The following PARG variants were observed in gnomAD, a reference collection of about 807,000 sequenced individuals.
PARG encodes the protein poly(ADP-ribose) glycohydrolase, also known as mitochondrial poly(ADP-ribose) glycohydrolase.
In PARG, 35 loss-of-function variants were observed where a neutral mutation model predicts 113.0. That is an observed-to-expected ratio of 0.31 (90% CI 0.24 to 0.41). PARG has a LOEUF of 0.41. Ranked by LOEUF, PARG falls within the 10% of genes least tolerant of loss-of-function variation. The pLI is 1.00. For synonymous variants in PARG, 330 were observed against 409.9 expected (o/e 0.81, Z 2.36); for missense variants, 797 against 1,169.4 (o/e 0.68, Z 4.64).
chr10:49,916,355 T>C (rs1554847620), intron 6 of PARG, among the ~76,000 whole-genome samples: 2 of 152,178 alleles, frequency 1.3e-5, no homozygotes, highest in African/African-American at 4.8e-5. Context: ...CGTCAGATTA[T>C]ATATACACAG....
rs543736217 is a variant in PARG at position 49,908,916 on chromosome 10, T to G, written c.1737+7001A>C. Among the ~76,000 whole-genome samples, 13 of 152,276 alleles carry G rather than the reference T, an allele frequency of 8.5e-5. No homozygotes were observed. In the South Asian group the frequency reaches 2.7e-3, roughly 32 times the overall value. On this transcript the variant is annotated intron_variant, in intron 7 of 17. Transcript: ENST00000616448. Reference sequence around the variant, plus strand: ...CGCCTTAGGTCAGCTTTTCCCAAACTATTCTAAAAAGCACTAACCCTCCAT... The same window carrying G: ...CGCCTTAGGTCAGCTTTTCCCAAACGATTCTAAAAAGCACTAACCCTCCAT...
intron 13 of PARG, among the ~76,000 whole-genome samples, chr10:49,851,083 C>T (rs1845739026): frequency 6.6e-6 from 1 of 152,138 alleles, no homozygotes; most frequent in African/African-American, 2.4e-5. Context: ...AAGGAAAAAA[C>T]TAGAAGGAAT....
At chr10:49,914,264 G>C (rs1264112165) in intron 7 of PARG, among the ~76,000 whole-genome samples, 1 of 152,196 alleles carries the variant, frequency 6.6e-6, no homozygotes, top group African/African-American at 2.4e-5. Flanking sequence ...AGCTCAGAAA[G>C]TTACAATACA....
At chr10:49,841,644 G>A (rs1432972991) in intron 15 of PARG, among the ~76,000 whole-genome samples, 1 of 152,130 alleles carries the variant, frequency 6.6e-6, no homozygotes, top group Non-Finnish European at 1.5e-5. Flanking sequence ...AATTTTCAGA[G>A]CTCATTTGTT....
chr10:49,832,980 G>T, intron 15 of PARG, 72 bp from the exon 16 acceptor site: 2 of 701,150 alleles, frequency 2.9e-6, no homozygotes, highest in Non-Finnish European at 4.7e-6. Context: ...GATGTACTAG[G>T]ATCAGTGTCC....
chr10:49,856,784 C>T (rs1231425680), intron 13 of PARG, among the ~76,000 whole-genome samples: 6 of 151,880 alleles, frequency 4.0e-5, no homozygotes, highest in Admixed American at 1.3e-4. Context: ...CCGAGGCGGG[C>T]GGATCACCTG....
intron 8 of PARG, among the ~76,000 whole-genome samples, chr10:49,883,559 GAGGCAA>G (rs1216709550): frequency 6.8e-6 from 1 of 148,084 alleles, no homozygotes; most frequent in Non-Finnish European, 1.5e-5. Context: ...AGCACCATGG[GAGGCAA>G]AGGCGGGCGG....
At chr10:49,908,115 C>T (rs117272564) in intron 7 of PARG, among the ~76,000 whole-genome samples, 2,781 of 152,272 alleles carry the variant, frequency 0.018, 30 homozygotes, top group Non-Finnish European at 0.028. Context: ...AATAACAACT[C>T]TAACTTCATC....
chr10:49,879,653 G>C lies in PARG; in HGVS notation c.1988+20C>G. 1.4e-5 allele frequency: 19 copies of C among 1,324,170 alleles called. No individual in the cohort carries two copies. The highest frequency in any genetic ancestry group is 2.0e-5 in the Non-Finnish European group (19 of 958,830). The allele number at this position is 1,324,170 out of a possible 1,614,324, so 82.0% of individuals were successfully genotyped here. A position where few individuals can be genotyped will look rare whatever the true frequency, so the allele number is the denominator to read the frequency against. On this transcript the variant is annotated intron_variant, in intron 9 of 17. Coordinates refer to ENST00000616448, the MANE Select transcript of PARG (RefSeq NM_003631.5). ...CCTTTGTCTTTTTCATTGTTAAAGA[G>C]GTGTTTTCTGAAAACATACCGATTG...
intron 11 of PARG, among the ~76,000 whole-genome samples, chr10:49,864,875 C>T (rs1274621267): frequency 2.9e-5 from 4 of 137,570 alleles, no homozygotes; most frequent in African/African-American, 8.3e-5. Context: ...TCTTGCCACT[C>T]GACGAACTCT....
At chr10:49,924,522 A>C (rs1353116427) in intron 4 of PARG, among the ~76,000 whole-genome samples, 1 of 148,188 alleles carries the variant, frequency 6.7e-6, no homozygotes, top group Non-Finnish European at 1.5e-5. Context: ...GGGTGAAACA[A>C]AAATAAAATT....
At chr10:49,826,259 C>A (rs1377209860) in intron 16 of PARG, among the ~76,000 whole-genome samples, 1 of 152,140 alleles carries the variant, frequency 6.6e-6, no homozygotes, top group Non-Finnish European at 1.5e-5. Flanking sequence ...CTGAGAGAGA[C>A]CAAGAGAGTG....
Position 49,850,914 on chromosome 10 carries a change from G to A in PARG, c.2353+6392C>T, listed in dbSNP as rs1170850369. On this transcript the variant is annotated intron_variant, in intron 13 of 17. Transcript: ENST00000616448. ...ATGCCAACTGTCTCCTTCGAAAAAA[G>A]TGAATGCCCTTAACTTGTTTAAAAT... Among the ~76,000 whole-genome samples the A allele has an allele frequency of 6.6e-5, 10 of 151,870 alleles. No individual in the cohort carries two copies. In the East Asian group the frequency reaches 1.9e-3, roughly 30 times the overall value.
rs533467350 is a variant in PARG at position 49,869,716 on chromosome 10, C to T, written c.1989-161G>A. 9.3e-5 allele frequency among the ~76,000 whole-genome samples: 14 copies of T among 150,350 alleles called. No individual in the cohort carries two copies. The South Asian group carries it at 2.6e-3, about 28-fold the overall frequency. Reference sequence around the variant, plus strand: ...GGAAAATTGGTTTAGATTCAAATGGCATCTGGAAAGAACTGAAACCAACTA... The same window carrying T: ...GGAAAATTGGTTTAGATTCAAATGGTATCTGGAAAGAACTGAAACCAACTA... On this transcript the variant is annotated intron_variant, in intron 9 of 17. Transcript: ENST00000616448.
chr10:49,833,030 A>G, intron 15 of PARG, 122 bp from the exon 16 acceptor site: 1 of 507,756 alleles, frequency 2.0e-6, no homozygotes, highest in Non-Finnish European at 3.5e-6. Flanking sequence ...TTTTTTTTCC[A>G]TAGGGGCCAA....
rs1476208204 is a variant in PARG at position 49,833,092 on chromosome 10, GC to G, written c.2542-185del. The G allele has an allele frequency of 9.6e-6, 4 of 416,608 alleles. No homozygotes were observed. The East Asian group carries it at 1.5e-4, about 16-fold the overall frequency. The allele number at this position is 416,608 out of a possible 1,614,324, so 25.8% of individuals were successfully genotyped here. On this transcript the variant is annotated intron_variant, in intron 15 of 17. Transcript: ENST00000616448. Reference sequence around the variant, plus strand: ...AAGGGAGAGAAAAACCTGGGATTATGCAAGGAAGAGACTAAGAAATGATAAA... The same window carrying G: ...AAGGGAGAGAAAAACCTGGGATTATGAAGGAAGAGACTAAGAAATGATAAA...
chr10:49,884,482 C>T (rs2132648050), intron 8 of PARG, among the ~76,000 whole-genome samples: 1 of 152,254 alleles, frequency 6.6e-6, no homozygotes, highest in African/African-American at 2.4e-5. Flanking sequence ...GCCTGTAATC[C>T]CAGCTACTTG....
Position 49,934,093 on chromosome 10 carries a change from A to G in PARG, c.355T>C (p.Tyr119His), listed in dbSNP as rs1463210754. Reference protein sequence around the residue: ...MMSSVQKDNFYQHNVEKLENV... With the variant: ...MMSSVQKDNFHQHNVEKLENV... ...TCTAATTTTTCTACATTATGTTGGTAAAAGTTATCTTTTTGTACAGAACTC... is the reference window on the plus strand; with the variant it reads ...TCTAATTTTTCTACATTATGTTGGTGAAAGTTATCTTTTTGTACAGAACTC... Residue 119 changes from tyrosine to histidine, a missense_variant, in exon 3 of 18, where the codon TAC becomes CAC. By Grantham distance (83) the Tyr-to-His change is moderately conservative. Around this residue, in one of 5 missense-constraint regions of PARG, gnomAD observed 284 missense variants for 306.1 expected, o/e 0.93. Transcript: ENST00000616448. 7.7e-6 allele frequency: 11 copies of G among 1,421,158 alleles called. No homozygotes were observed. The highest frequency in any genetic ancestry group is 1.7e-5 in the Admixed American group (1 of 59,788). The allele number at this position is 1,421,158 out of a possible 1,614,324, so 88.0% of individuals were successfully genotyped here. A position where few individuals can be genotyped will look rare whatever the true frequency, so the allele number is the denominator to read the frequency against.
intron 1 of PARG, 83 bp downstream of exon 1, chr10:49,941,426 T>C: frequency 9.6e-7 from 1 of 1,044,554 alleles, no homozygotes; most frequent in Non-Finnish European, 1.5e-6. Flanking sequence ...CAGAAAGGAG[T>C]GACTGGAGCC....
Sources: gnomAD v4.1 joint callset for allele counts (sites outside exome capture counted in the v4.1 genomes callset) on GRCh38, gnomAD v4.1.1 for gene constraint, gnomAD v4.1.1 regional missense constraint, MANE v1.5 for transcripts, NCBI Gene and HGNC (gene_info 2026-07-23, HGNC 2026-07-21) for gene names.